ADAM32: variants seen among roughly 807,000 people sequenced by gnomAD.
ADAM32 encodes disintegrin and metalloproteinase domain-containing protein 32.
A neutral mutation model predicts 114.9 loss-of-function variants in ADAM32; 89 were observed. That is an observed-to-expected ratio of 0.77 (90% CI 0.65 to 0.92). ADAM32 has a LOEUF of 0.92. Among genes scored for constraint, ADAM32 ranks in the 40% least tolerant of loss-of-function variants. The pLI, the probability that ADAM32 is intolerant of heterozygous loss-of-function variation, is 0.00. For synonymous variants in ADAM32, 285 were observed against 307.5 expected (o/e 0.93, Z 0.77); for missense variants, 870 against 932.8 (o/e 0.93, Z 0.88).
chr8:39,232,105 G>C lies in ADAM32; in HGVS notation c.1604G>C (p.Arg535Thr), dbSNP rs1381759565. 7 of 1,609,318 alleles carry C rather than the reference G, an allele frequency of 4.3e-6. No homozygotes were observed. Among genetic ancestry groups the C allele is most frequent in the Non-Finnish European group, 6.0e-6 (7 of 1,176,300 alleles). Residue 535 changes from arginine to threonine, a missense_variant, in exon 15 of 25, where the codon AGA becomes ACA. Arg to Thr is a moderately conservative substitution (Grantham distance 71, BLOSUM62 -1). Transcript: ENST00000379907. ...SDRFGNCGRD[R>T]NNKYVFCGWR... ...AGATTTGGGAACTGTGGTAGGGATA[G>C]AAATAACAAATATGTGTTCTGTGGA...
At chr8:39,123,956 G>A (rs192542586) in intron 2 of ADAM32, among the ~76,000 whole-genome samples, 6 of 150,820 alleles carry the variant, frequency 4.0e-5, no homozygotes, top group African/African-American at 1.2e-4. Context: ...ATCCACCTCC[G>A]TCAGCCTCTC....
intron 12 of ADAM32, among the ~76,000 whole-genome samples, chr8:39,212,389 C>T (rs1054865632): frequency 7.9e-5 from 12 of 152,150 alleles, no homozygotes; most frequent in African/African-American, 1.9e-4. Context: ...TTTAAGTGTA[C>T]GGGTTGATGA....
intron 2 of ADAM32, chr8:39,132,022 T>C: frequency 3.5e-6 from 1 of 289,416 alleles, no homozygotes; most frequent in Non-Finnish European, 7.2e-6. Flanking sequence ...GCATCCTGAG[T>C]AGTTGGGATT....
At position 39,284,851 on chromosome 8, in the gene ADAM32, A is replaced by C; in HGVS notation, c.*52A>C. On this transcript the variant is annotated 3_prime_UTR_variant, in exon 25 of 25. Coordinates refer to ENST00000379907, the MANE Select transcript of ADAM32 (RefSeq NM_145004.7). ...CATCGAGAGTCTCGCTAAGAAATGA[A>C]AATTCTGTCTTTCCTTCCGTGGTCA... 1 of 1,602,666 alleles carries C rather than the reference A, an allele frequency of 6.2e-7. No individual in the cohort carries two copies. The highest frequency in any genetic ancestry group is 8.5e-7 in the Non-Finnish European group (1 of 1,170,060).
intron 19 of ADAM32, among the ~76,000 whole-genome samples, chr8:39,269,504 AT>A (rs1288447018): frequency 1.3e-5 from 2 of 152,006 alleles, no homozygotes; most frequent in Admixed American, 6.5e-5. Context: ...ATTCTGATTA[AT>A]TTTCTTAGTT....
At chr8:39,177,120 C>T (rs1006971248) in intron 10 of ADAM32, among the ~76,000 whole-genome samples, 15 of 151,098 alleles carry the variant, frequency 9.9e-5, no homozygotes, top group Non-Finnish European at 2.1e-4. Flanking sequence ...AGTGCCATGG[C>T]ATGATTTCGG....
chr8:39,245,077 T>A (rs34023190), intron 16 of ADAM32, among the ~76,000 whole-genome samples: 5 of 151,764 alleles, frequency 3.3e-5, no homozygotes, highest in African/African-American at 9.7e-5. Context: ...CAACCCACAG[T>A]GGCTAAGAAA....
At chr8:39,217,694 G>C (rs1051443049) in intron 12 of ADAM32, among the ~76,000 whole-genome samples, 2 of 152,102 alleles carry the variant, frequency 1.3e-5, no homozygotes, top group East Asian at 3.9e-4. Flanking sequence ...TTCAACTGCA[G>C]AATTTCTGCT....
chr8:39,282,958 A>T (rs1490045003), intron 23 of ADAM32, among the ~76,000 whole-genome samples: 1 of 152,152 alleles, frequency 6.6e-6, no homozygotes, highest in Non-Finnish European at 1.5e-5. Flanking sequence ...GGACGAAAGA[A>T]GTAAAATTGT....
intron 6 of ADAM32, among the ~76,000 whole-genome samples, chr8:39,154,885 G>GT (rs34798678): frequency 0.62 from 92,421 of 148,092 alleles, 30,274 homozygotes; most frequent in East Asian, 0.79. Context: ...CTTTTTGATG[G>GT]TTTTTTTTTT....
chr8:39,279,782 T>C (rs1188247554), intron 22 of ADAM32, among the ~76,000 whole-genome samples: 1 of 152,166 alleles, frequency 6.6e-6, no homozygotes, highest in Non-Finnish European at 1.5e-5. Context: ...CTGTTGATCT[T>C]GATGTGTGAA....
At chr8:39,109,778 C>T (rs1840079311) in intron 1 of ADAM32, among the ~76,000 whole-genome samples, 1 of 152,152 alleles carries the variant, frequency 6.6e-6, no homozygotes, top group Non-Finnish European at 1.5e-5. Flanking sequence ...GGTTCATTCT[C>T]CACATTGCCC....
chr8:39,160,127 A>G (rs1390668849), intron 6 of ADAM32, among the ~76,000 whole-genome samples: 1 of 152,186 alleles, frequency 6.6e-6, no homozygotes, highest in African/African-American at 2.4e-5. Flanking sequence ...AAGATTGGCA[A>G]AACAACACTT....
At chr8:39,251,960 C>G (rs1005474619) in intron 17 of ADAM32, among the ~76,000 whole-genome samples, 1 of 151,730 alleles carries the variant, frequency 6.6e-6, no homozygotes, top group Non-Finnish European at 1.5e-5. Context: ...CCAGCACCAT[C>G]TATTGAAGAG....
intron 2 of ADAM32, among the ~76,000 whole-genome samples, chr8:39,130,317 A>G (rs1802367290): frequency 6.6e-6 from 1 of 151,866 alleles, no homozygotes; most frequent in Non-Finnish European, 1.5e-5. Context: ...AGGTTTGTCC[A>G]TTTTGTTGAT....
In ADAM32 at chr8:39,151,420, CTG is replaced by C; in HGVS notation, c.398_399del (p.Leu133ArgfsTer5). 6.2e-7 allele frequency: 1 copy of C among 1,600,516 alleles called. No homozygotes were observed. The highest frequency in any genetic ancestry group is 8.5e-7 in the Non-Finnish European group (1 of 1,175,750). ...AAATGTTTCTTATGGAATTGAGCCT[CTG>C]GAATCTGCAGTTGAATTTCAGCATG... ...FENVSYGIEP[L>X]ESAVEFQHVL... On this transcript the variant is annotated frameshift_variant, in exon 6 of 25. Coordinates refer to ENST00000379907, the MANE Select transcript of ADAM32 (RefSeq NM_145004.7). LOFTEE classifies it high-confidence loss of function.
chr8:39,134,938 C>T (rs1802697404), intron 2 of ADAM32, among the ~76,000 whole-genome samples: 1 of 152,014 alleles, frequency 6.6e-6, no homozygotes, highest in Non-Finnish European at 1.5e-5. Flanking sequence ...GGCGAGTCAC[C>T]TGAGGTTGGG....
In ADAM32 at chr8:39,284,715, A is replaced by G. The variant is rs114742200; in HGVS notation, c.2358-78A>G. On this transcript the variant is annotated intron_variant, in intron 24 of 24. Transcript: ENST00000379907. ...TGCCACATGAATTTTCCACTTGGCA[A>G]TACCTCAGCTGCTTGTACAGTGGGA... 2,692 of 1,519,780 alleles carry G rather than the reference A, an allele frequency of 1.8e-3. 37 individuals carry two copies. The African/African-American group carries it at 0.033, about 19-fold the overall frequency. The allele number at this position is 1,519,780 out of a possible 1,614,324, so 94.1% of individuals were successfully genotyped here. A position where few individuals can be genotyped will look rare whatever the true frequency, so the allele number is the denominator to read the frequency against.
At chr8:39,268,158 T>G (rs979925281) in intron 19 of ADAM32, among the ~76,000 whole-genome samples, 1 of 152,228 alleles carries the variant, frequency 6.6e-6, no homozygotes, top group Non-Finnish European at 1.5e-5. Flanking sequence ...ATGTTTAAAT[T>G]CTAAAGAAAG....
Sources: allele counts gnomAD v4.1 joint callset (sites outside exome capture counted in the v4.1 genomes callset), GRCh38; gene constraint gnomAD v4.1.1; transcripts MANE v1.5; gene names NCBI Gene and HGNC (gene_info 2026-07-23, HGNC 2026-07-21).